The following ILRUN variants were observed in gnomAD, a reference collection of about 807,000 sequenced individuals.
ILRUN encodes the protein protein ILRUN.
ILRUN carries 3 observed loss-of-function variants against 33.8 expected under a neutral mutation model. That is an observed-to-expected ratio of 0.09 (90% confidence interval 0.04 to 0.23). The LOEUF (loss-of-function observed/expected upper bound fraction) is 0.23. Among genes scored for constraint, ILRUN ranks in the 10% least tolerant of loss-of-function variants. The pLI, the probability that ILRUN is intolerant of heterozygous loss-of-function variation, is 1.00. For missense variants in ILRUN, 210 were observed against 375.1 expected (o/e 0.56, Z 3.64); for synonymous variants, 124 against 138.9 (o/e 0.89, Z 0.75).
In ILRUN at chr6:34,676,430, CTAGCTAGCTAGCTAGATAGATAGATA is replaced by C. The variant is rs1223294403; in HGVS notation, c.158+19990_158+20015del. Among the ~76,000 whole-genome samples the C allele has an allele frequency of 9.1e-4, 137 of 151,362 alleles. 1 individual carries two copies. Among genetic ancestry groups the C allele is most frequent in the African/African-American group, 3.2e-3 (132 of 41,120 alleles). On this transcript the variant is annotated intron_variant, in intron 1 of 4. Coordinates refer to ENST00000374023, the MANE Select transcript of ILRUN (RefSeq NM_024294.4). The stretch of plus-strand genomic sequence containing the variant: ...CATTTATATGTACAGATAGATATAG[CTAGCTAGCTAGCTAGATAGATAGATA>C]TAGCTAGCTAGCTAGCTAGCTAGAT...
At chr6:34,619,162 G>A (rs975194571) in intron 3 of ILRUN, among the ~76,000 whole-genome samples, 14 of 152,128 alleles carry the variant, frequency 9.2e-5, no homozygotes, top group African/African-American at 2.7e-4. Context: ...GTACATTTGC[G>A]AAGAAGTTTT....
intron 3 of ILRUN, among the ~76,000 whole-genome samples, chr6:34,620,258 G>A (rs1280732915): frequency 6.6e-6 from 1 of 152,140 alleles, no homozygotes; most frequent in Non-Finnish European, 1.5e-5. Flanking sequence ...AGGTCAAGGT[G>A]AGACACCGTA....
intron 1 of ILRUN, among the ~76,000 whole-genome samples, chr6:34,663,093 CAA>C (rs1162304803): frequency 1.3e-5 from 2 of 148,264 alleles, no homozygotes; most frequent in East Asian, 3.9e-4. Flanking sequence ...GATCCTGTCT[CAA>C]AAAAAAAGAG....
chr6:34,644,432 G>A (rs138496632), intron 3 of ILRUN, among the ~76,000 whole-genome samples: 8 of 152,228 alleles, frequency 5.3e-5, no homozygotes, highest in African/African-American at 1.7e-4. Flanking sequence ...GTAGAAAGAC[G>A]TAAAGTGCCA....
intron 3 of ILRUN, among the ~76,000 whole-genome samples, chr6:34,614,202 C>T (rs534347064): frequency 6.6e-6 from 1 of 152,048 alleles, no homozygotes; most frequent in African/African-American, 2.4e-5. Context: ...GCAGGTGGAT[C>T]GCCAGGTCAG....
At chr6:34,650,403 TTATTTTTATTTATTTATTTA>T (rs1185999544) in intron 2 of ILRUN, among the ~76,000 whole-genome samples, 2 of 141,372 alleles carry the variant, frequency 1.4e-5, no homozygotes, top group African/African-American at 2.7e-5. Context: ...TTTTATTTAT[TTATTTTTATTTATTTATTTA>T]TTTATTTATT....
At chr6:34,608,312 T>G (rs1761675585) in intron 3 of ILRUN, among the ~76,000 whole-genome samples, 1 of 151,850 alleles carries the variant, frequency 6.6e-6, no homozygotes, top group South Asian at 2.1e-4. Flanking sequence ...GAGAATTGCT[T>G]GAGCCTGGGA....
At chr6:34,604,560 A>G (rs961228522) in intron 4 of ILRUN, among the ~76,000 whole-genome samples, 3 of 152,182 alleles carry the variant, frequency 2.0e-5, no homozygotes, top group Non-Finnish European at 4.4e-5. Flanking sequence ...CATTAAACCC[A>G]ACAGACTGAA....
Position 34,587,991 on chromosome 6 carries a change from AT to A in ILRUN, c.*2573del, listed in dbSNP as rs1244879689. 2 of 398,104 alleles carry A rather than the reference AT, an allele frequency of 5.0e-6. No homozygotes were observed. The highest frequency in any genetic ancestry group is 4.1e-5 in the African/African-American group (2 of 48,620). 24.7% of individuals were successfully genotyped at this position (398,104 alleles called of 1,614,324 possible). ...GAAGATTCTAAGAGGAGCAGGGACTATTGGGGCTGAGAGGTAGCCACTACCA... is the reference window on the plus strand; with the variant it reads ...GAAGATTCTAAGAGGAGCAGGGACTATGGGGCTGAGAGGTAGCCACTACCA... On this transcript the variant is annotated 3_prime_UTR_variant, in exon 5 of 5. Coordinates refer to ENST00000374023, the MANE Select transcript of ILRUN (RefSeq NM_024294.4).
At chr6:34,612,338 G>A (rs2127328189) in intron 3 of ILRUN, among the ~76,000 whole-genome samples, 1 of 152,262 alleles carries the variant, frequency 6.6e-6, no homozygotes, top group South Asian at 2.1e-4. Context: ...GGCTGAGGTG[G>A]GAGGATAGCC....
chr6:34,695,770 C>A (rs191924788), intron 1 of ILRUN, among the ~76,000 whole-genome samples: 73 of 151,828 alleles, frequency 4.8e-4, no homozygotes, highest in Non-Finnish European at 1.2e-4. Flanking sequence ...CACTCCGGGT[C>A]CTCCATGTGT....
At chr6:34,642,975 C>A (rs1214699329) in intron 3 of ILRUN, among the ~76,000 whole-genome samples, 2 of 137,052 alleles carry the variant, frequency 1.5e-5, no homozygotes, top group South Asian at 2.3e-4. Flanking sequence ...CCTGGGTGAC[C>A]AAGGAGAAAA....
chr6:34,635,431 G>A (rs1212081717), intron 3 of ILRUN, among the ~76,000 whole-genome samples: 8 of 151,956 alleles, frequency 5.3e-5, no homozygotes, highest in African/African-American at 1.7e-4. Flanking sequence ...GAGAGGTTGA[G>A]GTGGGAGAAT....
chr6:34,684,326 A>G (rs1381893156), intron 1 of ILRUN, among the ~76,000 whole-genome samples: 1 of 152,182 alleles, frequency 6.6e-6, no homozygotes, highest in African/African-American at 2.4e-5. Flanking sequence ...ATTTGAACTT[A>G]TTATGCGCTT....
intron 3 of ILRUN, among the ~76,000 whole-genome samples, chr6:34,645,178 T>A (rs1762542236): frequency 1.3e-5 from 2 of 152,198 alleles, no homozygotes; most frequent in African/African-American, 4.8e-5. Flanking sequence ...CCACAGGCCA[T>A]GAGTCCAGTT....
intron 1 of ILRUN, among the ~76,000 whole-genome samples, chr6:34,693,010 T>G (rs1321191824): frequency 6.6e-6 from 1 of 152,118 alleles, no homozygotes; most frequent in African/African-American, 2.4e-5. Flanking sequence ...TCTGGGAGGT[T>G]GAGGCTGTAG....
intron 4 of ILRUN, among the ~76,000 whole-genome samples, chr6:34,602,860 C>T (rs1047273442): frequency 5.7e-4 from 87 of 152,278 alleles, no homozygotes; most frequent in African/African-American, 2.1e-3. Flanking sequence ...CCCCCAGGGA[C>T]GGAGCACTGA....
chr6:34,616,685 C>A, intron 3 of ILRUN: 1 of 979,088 alleles, frequency 1.0e-6, no homozygotes, highest in Non-Finnish European at 1.6e-6. Flanking sequence ...GCTTATCTAT[C>A]ACAAGGAATA....
chr6:34,638,701 T>A (rs1200860418), intron 3 of ILRUN, among the ~76,000 whole-genome samples: 2 of 151,614 alleles, frequency 1.3e-5, no homozygotes, highest in African/African-American at 4.9e-5. Flanking sequence ...CAAGACCCTC[T>A]CTCAAAAAAG....
Sources: allele counts gnomAD v4.1 joint callset (sites outside exome capture counted in the v4.1 genomes callset), GRCh38; gene constraint gnomAD v4.1.1; transcripts MANE v1.5; gene names NCBI Gene and HGNC (gene_info 2026-07-23, HGNC 2026-07-21).